The following TICRR variants were observed in gnomAD, a reference collection of about 807,000 sequenced individuals.
TICRR encodes treslin.
A neutral mutation model predicts 178.1 loss-of-function variants in TICRR; 132 were observed. That is an observed-to-expected ratio of 0.74 (90% CI 0.64 to 0.86). The LOEUF is 0.86. Among genes scored for constraint, TICRR ranks in the 40% least tolerant of loss-of-function variants. TICRR has a pLI of 0.00. For synonymous variants in TICRR, 991 were observed against 900.7 expected, an observed-to-expected ratio of 1.10 and a Z score of -1.79; for missense variants, 2,587 against 2,334.3, an observed-to-expected ratio of 1.11 and a Z score of -2.23.
chr15:89,582,722 GT>G lies in TICRR; in HGVS notation c.694del (p.Cys232ValfsTer33). On this transcript the variant is annotated frameshift_variant, in exon 2 of 22. Coordinates refer to ENST00000268138, the MANE Select transcript of TICRR (RefSeq NM_152259.4). LOFTEE classifies it high-confidence loss of function. ...ESPDHLGYWTVCELLHHGGGT... is the reference protein window; with the variant it reads ...ESPDHLGYWTXCELLHHGGGT... ...CCCAGACCACCTTGGATACTGGACT[GT>G]TTGTGAACTGCTCCACCACGGAGGT... is the stretch of plus-strand genomic sequence containing the variant. 1.9e-6 allele frequency: 3 copies of G among 1,614,204 alleles called. No homozygotes were observed.
chr15:89,614,390 CT>C (rs1470422650), intron 15 of TICRR, among the ~76,000 whole-genome samples: 8 of 151,326 alleles, frequency 5.3e-5, no homozygotes, highest in African/African-American at 1.9e-4. Flanking sequence ...TCTTGGCTCA[CT>C]GTAGCCTCAA....
Position 89,627,212 on chromosome 15 carries a change from T to C in TICRR, c.*126T>C. 1.7e-6 allele frequency: 2 copies of C among 1,188,754 alleles called. No individual in the cohort carries two copies. Among genetic ancestry groups the C allele is most frequent in the South Asian group, 2.9e-5 (2 of 67,954 alleles). 73.6% of individuals were successfully genotyped at this position (1,188,754 alleles called of 1,614,324 possible). A position where few individuals can be genotyped will look rare whatever the true frequency, so the allele number is the denominator to read the frequency against. ...GTGTTCAGATTGCCATTAGAATGCC[T>C]TAGGGTTTTCTAATTCCCCTTATGG... On this transcript the variant is annotated 3_prime_UTR_variant, in exon 22 of 22. Transcript: ENST00000268138.
At chr15:89,595,334 C>A (rs1962979071) in intron 6 of TICRR, 59 bp from the exon 7 acceptor site, 1 of 1,212,150 alleles carries the variant, frequency 8.2e-7, no homozygotes. Flanking sequence ...TAAAGTAGTT[C>A]TTCTTTCCAC....
chr15:89,590,484 A>G (rs1962892302), intron 4 of TICRR, among the ~76,000 whole-genome samples: 1 of 152,246 alleles, frequency 6.6e-6, no homozygotes, highest in South Asian at 2.1e-4. Flanking sequence ...GGAATCTGGT[A>G]AAGGAAGAAC....
chr15:89,617,135 A>T (rs1963347855), intron 16 of TICRR, among the ~76,000 whole-genome samples: 1 of 152,114 alleles, frequency 6.6e-6, no homozygotes, highest in Non-Finnish European at 1.5e-5. Context: ...TGCCTTTCAG[A>T]ATTGTCTCCT....
chr15:89,583,688 T>G (rs1962770327), intron 2 of TICRR, among the ~76,000 whole-genome samples: 1 of 152,204 alleles, frequency 6.6e-6, no homozygotes, highest in South Asian at 2.1e-4. Context: ...TACTTCTTTT[T>G]TTTTTGAGAC....
At position 89,576,027 on chromosome 15, in the gene TICRR, C is replaced by G; in HGVS notation, c.441C>G (p.Leu147=). The change falls in exon 1 of 22, where the codon CTC becomes CTG. Residue 147 remains leucine (L), a synonymous_variant. Transcript: ENST00000268138. ...ESEAKEAEAA[L]GGLVNAVFLL... ...AGGCCAAGGAGGCCGAGGCCGCGCT[C>G]GGGGGCTTGGTGAACGCCGTCTTCC... is the stretch of plus-strand genomic sequence containing the variant. 2 of 1,609,682 alleles carry G rather than the reference C, an allele frequency of 1.2e-6. No individual in the cohort carries two copies. The highest frequency in any genetic ancestry group is 1.7e-6 in the Non-Finnish European group (2 of 1,178,828).
At chr15:89,613,238 C>T (rs72750746) in intron 15 of TICRR, among the ~76,000 whole-genome samples, 40,172 of 152,124 alleles carry the variant, frequency 0.26, 6,007 homozygotes, top group South Asian at 0.37. Context: ...TTTCTCTCAG[C>T]ACTTTGAATA....
At chr15:89,599,834 G>A (rs1219235804) in intron 8 of TICRR, among the ~76,000 whole-genome samples, 7 of 152,284 alleles carry the variant, frequency 4.6e-5, no homozygotes, top group African/African-American at 1.2e-4. Context: ...CCAACTAACC[G>A]TGGTGGCTCA....
rs768122738 is a variant in TICRR at position 89,595,413 on chromosome 15, G to A, written c.1702G>A (p.Val568Met). The A allele has an allele frequency of 1.2e-6, 2 of 1,613,940 alleles. No homozygotes were observed. The highest frequency in any genetic ancestry group is 2.7e-5 in the African/African-American group (2 of 74,908). ...KKKRGVPRTP[V>M]RQKMNTMCRS... Reference sequence around the variant, plus strand: ...GGTAGGAGGGGTCCCTCGTACTCCAGTGAGACAGAAGATGAATACCATGTG... The same window carrying A: ...GGTAGGAGGGGTCCCTCGTACTCCAATGAGACAGAAGATGAATACCATGTG... The change falls in exon 7 of 22, where the codon GTG becomes ATG. Residue 568 changes from valine (V) to methionine (M), a missense_variant. Physicochemically the swap from Val to Met is conservative, Grantham distance 21 (BLOSUM62 1). Coordinates refer to ENST00000268138, the MANE Select transcript of TICRR (RefSeq NM_152259.4).
intron 6 of TICRR, 90 bp from the exon 7 acceptor site, chr15:89,595,303 T>C: frequency 2.2e-6 from 2 of 905,412 alleles, no homozygotes; most frequent in Non-Finnish European, 3.5e-6. Context: ...CATTTTGATA[T>C]TCTTTCACAG....
At chr15:89,614,240 A>AT (rs575287173) in intron 15 of TICRR, among the ~76,000 whole-genome samples, 23 of 151,058 alleles carry the variant, frequency 1.5e-4, no homozygotes, top group South Asian at 1.5e-3. Flanking sequence ...CTGTTGGCTG[A>AT]TTTTTTTTCC....
chr15:89,618,588 G>A (rs981003036), intron 17 of TICRR, among the ~76,000 whole-genome samples: 1 of 152,190 alleles, frequency 6.6e-6, no homozygotes, highest in African/African-American at 2.4e-5. Context: ...CTTTGCTGCT[G>A]CCCCTTATGT....
chr15:89,609,098 A>ATTTTTTTTTTTT (rs1404698569), intron 15 of TICRR, 149 bp downstream of exon 15: 1 of 167,112 alleles, frequency 6.0e-6, no homozygotes, highest in African/African-American at 5.9e-5. Context: ...AATTTTGTTA[A>ATTTTTTTTTTTT]TCTTTTTTTT....
intron 21 of TICRR, 99 bp from the exon 22 acceptor site, chr15:89,626,857 A>C: frequency 1.5e-6 from 2 of 1,344,610 alleles, no homozygotes; most frequent in African/African-American, 2.9e-5. Context: ...GATTTTCTTA[A>C]AGTCTGTTTT....
chr15:89,617,469 G>C (rs1237136058), intron 16 of TICRR, among the ~76,000 whole-genome samples: 1 of 152,082 alleles, frequency 6.6e-6, no homozygotes, highest in Non-Finnish European at 1.5e-5. Context: ...TTATAATTCT[G>C]ATGTTGTAAA....
intron 1 of TICRR, among the ~76,000 whole-genome samples, chr15:89,581,213 C>T (rs1244914557): frequency 7.2e-6 from 1 of 138,540 alleles, no homozygotes; most frequent in African/African-American, 2.7e-5. Context: ...TGATTCCTAA[C>T]ATTCACATAG....
intron 15 of TICRR, 63 bp downstream of exon 15, chr15:89,609,012 T>A: frequency 6.9e-7 from 1 of 1,449,936 alleles, no homozygotes; most frequent in Non-Finnish European, 9.2e-7. Flanking sequence ...AGTAGTAATG[T>A]ACCGTCTTTC....
chr15:89,620,813 C>T (rs548614905), intron 18 of TICRR, among the ~76,000 whole-genome samples: 2 of 151,956 alleles, frequency 1.3e-5, no homozygotes, highest in African/African-American at 4.8e-5. Flanking sequence ...AGCTCTGCCT[C>T]CCGGGTTCAT....
Sources: allele counts gnomAD v4.1 joint callset (sites outside exome capture counted in the v4.1 genomes callset), GRCh38; gene constraint gnomAD v4.1.1; transcripts MANE v1.5; gene names NCBI Gene and HGNC (gene_info 2026-07-23, HGNC 2026-07-21).